Variants in NKAIN2 observed in about 807,000 individuals in gnomAD.
NKAIN2 encodes sodium/potassium-transporting ATPase subunit beta-1-interacting protein 2.
A neutral mutation model predicts 32.6 loss-of-function variants in NKAIN2; 14 were observed. The observed-to-expected ratio is 0.43, with a 90% confidence interval of 0.28 to 0.67. The LOEUF (loss-of-function observed/expected upper bound fraction) is 0.67. Ranked by LOEUF, NKAIN2 falls within the 30% of genes least tolerant of loss-of-function variation. NKAIN2 has a pLI of 0.17. For synonymous variants in NKAIN2, 80 were observed against 87.2 expected (o/e 0.92, Z 0.46); for missense variants, 198 against 258.3 (o/e 0.77, Z 1.60).
rs186340997 is a variant in NKAIN2 at position 124,680,680 on chromosome 6, C to T, written c.474+22294C>T. Among the ~76,000 whole-genome samples the T allele has an allele frequency of 6.3e-4, 96 of 152,064 alleles. 1 individual carries two copies. The highest frequency in any genetic ancestry group is 2.0e-3 in the African/African-American group (81 of 41,520). ...TGCAAATAATAAGGGAATTACAAGA[C>T]AGCCCAGGATTTTTTCTTGCTTTTA... is the stretch of plus-strand genomic sequence containing the variant. On this transcript the variant is annotated intron_variant, in intron 4 of 6. Coordinates refer to ENST00000368417, the MANE Select transcript of NKAIN2 (RefSeq NM_001040214.3).
intron 4 of NKAIN2, among the ~76,000 whole-genome samples, chr6:124,706,310 T>A (rs184498455): frequency 5.3e-5 from 8 of 152,260 alleles, no homozygotes; most frequent in African/African-American, 1.9e-4. Flanking sequence ...GAAATGAGCC[T>A]TAGGCAGGTC....
At chr6:123,904,457 A>G (rs1354174364) in intron 1 of NKAIN2, among the ~76,000 whole-genome samples, 8 of 152,196 alleles carry the variant, frequency 5.3e-5, no homozygotes, top group Non-Finnish European at 1.0e-4. Flanking sequence ...CTGGGCCACT[A>G]TGATAATCAT....
chr6:124,665,330 A>G (rs1298144858), intron 4 of NKAIN2, among the ~76,000 whole-genome samples: 1 of 152,212 alleles, frequency 6.6e-6, no homozygotes, highest in African/African-American at 2.4e-5. Context: ...AAAGGAACAG[A>G]ATAGAGTCCA....
intron 4 of NKAIN2, among the ~76,000 whole-genome samples, chr6:124,686,758 G>A (rs996555468): frequency 6.6e-6 from 1 of 152,210 alleles, no homozygotes; most frequent in East Asian, 1.9e-4. Flanking sequence ...TACCTGTGAT[G>A]GTTAATACTG....
chr6:124,408,713 G>GT (rs201254539), intron 3 of NKAIN2, among the ~76,000 whole-genome samples: 6 of 151,978 alleles, frequency 3.9e-5, no homozygotes, highest in African/African-American at 1.2e-4. Flanking sequence ...CTTTAAAGTA[G>GT]TTTTTTCCAA....
intron 3 of NKAIN2, among the ~76,000 whole-genome samples, chr6:124,355,940 T>C (rs1249987492): frequency 6.6e-6 from 1 of 152,186 alleles, no homozygotes; most frequent in Non-Finnish European, 1.5e-5. Flanking sequence ...ACACAAATAG[T>C]GTAGGCTTCA....
chr6:124,760,032 G>C (rs539265622), intron 4 of NKAIN2, among the ~76,000 whole-genome samples: 1 of 152,184 alleles, frequency 6.6e-6, no homozygotes, highest in East Asian at 1.9e-4. Context: ...CTGTGTAACA[G>C]TGAAAGCTTC....
intron 3 of NKAIN2, among the ~76,000 whole-genome samples, chr6:124,469,687 G>A (rs1180586932): frequency 6.6e-6 from 1 of 152,102 alleles, no homozygotes; most frequent in Non-Finnish European, 1.5e-5. Flanking sequence ...AGGACTCATA[G>A]GATTCCTCTT....
chr6:124,758,702 A>G (rs571559851), intron 4 of NKAIN2, among the ~76,000 whole-genome samples: 76 of 152,240 alleles, frequency 5.0e-4, no homozygotes, highest in Non-Finnish European at 9.7e-4. Context: ...TACAGCTTCA[A>G]TTGGGTGATT....
At chr6:123,844,680 G>C (rs1775018654) in intron 1 of NKAIN2, among the ~76,000 whole-genome samples, 1 of 152,196 alleles carries the variant, frequency 6.6e-6, no homozygotes, top group Non-Finnish European at 1.5e-5. Context: ...GTTGTCTAAA[G>C]AAAGTAACCA....
At chr6:124,391,496 A>G (rs1773139497) in intron 3 of NKAIN2, among the ~76,000 whole-genome samples, 1 of 152,102 alleles carries the variant, frequency 6.6e-6, no homozygotes, top group Admixed American at 6.6e-5. Context: ...CCCTTTAACA[A>G]TTGGGAACAT....
At chr6:123,875,238 A>T (rs1773118314) in intron 1 of NKAIN2, among the ~76,000 whole-genome samples, 2 of 152,024 alleles carry the variant, frequency 1.3e-5, no homozygotes. Context: ...CTTAGCATAA[A>T]TTCCTAAAAT....
chr6:124,586,125 T>TCCATCATA (rs1781702871), intron 3 of NKAIN2, among the ~76,000 whole-genome samples: 2 of 152,216 alleles, frequency 1.3e-5, no homozygotes, highest in Non-Finnish European at 2.9e-5. Context: ...AATTCCTTCT[T>TCCATCATA]CCATCATAGC....
At chr6:124,717,870 C>T (rs1295031706) in intron 4 of NKAIN2, among the ~76,000 whole-genome samples, 1 of 152,018 alleles carries the variant, frequency 6.6e-6, no homozygotes, top group Non-Finnish European at 1.5e-5. Flanking sequence ...GGATATTTTC[C>T]GTAAAACAAG....
chr6:124,686,835 C>G (rs1443883311), intron 4 of NKAIN2, among the ~76,000 whole-genome samples: 1 of 151,938 alleles, frequency 6.6e-6, no homozygotes, highest in East Asian at 1.9e-4. Flanking sequence ...AGGGTGATGC[C>G]AAAGGAGATT....
intron 3 of NKAIN2, among the ~76,000 whole-genome samples, chr6:124,411,139 T>G (rs1193647640): frequency 3.3e-5 from 5 of 152,170 alleles, no homozygotes; most frequent in Non-Finnish European, 7.3e-5. Context: ...TTATCCAGTT[T>G]GCCAGTCTGT....
intron 3 of NKAIN2, among the ~76,000 whole-genome samples, chr6:124,575,231 A>G (rs1781285719): frequency 6.6e-6 from 1 of 152,170 alleles, no homozygotes; most frequent in Non-Finnish European, 1.5e-5. Context: ...AGCACTGGCA[A>G]GGTCTGTCCC....
intron 4 of NKAIN2, among the ~76,000 whole-genome samples, chr6:124,693,002 A>G (rs573048648): frequency 6.6e-6 from 1 of 152,324 alleles, no homozygotes; most frequent in African/African-American, 2.4e-5. Context: ...CACAATGCAG[A>G]TGTTAAAGAA....
At chr6:124,355,480 T>G in intron 3 of NKAIN2, 133 bp downstream of exon 3, 1 of 610,950 alleles carries the variant, frequency 1.6e-6, no homozygotes, top group South Asian at 2.1e-5. Flanking sequence ...TGTCTTGATT[T>G]ATATTTCTGC....
Sources: allele counts gnomAD v4.1 joint callset (sites outside exome capture counted in the v4.1 genomes callset), GRCh38; gene constraint gnomAD v4.1.1; transcripts MANE v1.5; gene names NCBI Gene and HGNC (gene_info 2026-07-23, HGNC 2026-07-21).